The following SLC18A1 variants were observed in gnomAD, a reference collection of about 807,000 sequenced individuals.
SLC18A1 encodes the protein solute carrier family 18 member A1, also known as chromaffin granule amine transporter.
Under a neutral mutation model 53.7 loss-of-function variants are expected in SLC18A1, and 69 were observed. That is an observed-to-expected ratio of 1.28 (90% CI 1.06 to 1.57). SLC18A1 has a LOEUF of 1.57. SLC18A1 is among the 40% of genes most tolerant of loss of function. SLC18A1 has a pLI of 0.00. For missense variants in SLC18A1, 932 were observed against 668.1 expected, an observed-to-expected ratio of 1.40 and a Z score of -4.35; for synonymous variants, 320 against 248.1, an observed-to-expected ratio of 1.29 and a Z score of -2.72.
At chr8:20,153,678 G>C (rs2071615639) in intron 10 of SLC18A1, among the ~76,000 whole-genome samples, 1 of 148,116 alleles carries the variant, frequency 6.8e-6, no homozygotes, top group Admixed American at 6.6e-5. Flanking sequence ...AAAAAAAAAA[G>C]AAAGAAGTGA....
intron 8 of SLC18A1, among the ~76,000 whole-genome samples, chr8:20,166,336 A>T (rs111248435): frequency 0.28 from 29,461 of 106,610 alleles, 5,412 homozygotes; most frequent in Non-Finnish European, 0.39. Context: ...TATATACACC[A>T]CCAGGTGGAA....
chr8:20,150,783 A>C, intron 10 of SLC18A1, 39 bp from the exon 11 acceptor site: 1 of 1,561,642 alleles, frequency 6.4e-7, no homozygotes, highest in African/African-American at 1.4e-5. Context: ...GGACATGTCC[A>C]ATTTACTCTA....
At chr8:20,171,192 G>A (rs767987506) in intron 7 of SLC18A1, 46 bp from the exon 8 acceptor site, 2 of 1,604,076 alleles carry the variant, frequency 1.2e-6, no homozygotes, top group South Asian at 2.2e-5. Flanking sequence ...CTACTGATTA[G>A]CTGGGGGCTC....
At chr8:20,177,667 G>A (rs565245099) in intron 4 of SLC18A1, among the ~76,000 whole-genome samples, 7 of 152,166 alleles carry the variant, frequency 4.6e-5, no homozygotes, top group East Asian at 1.9e-4. Flanking sequence ...AAAGAAAAAC[G>A]CGAGGGAGAA....
chr8:20,179,923 G>A (rs117524819), intron 2 of SLC18A1, among the ~76,000 whole-genome samples: 1,572 of 152,282 alleles, frequency 0.01, 9 homozygotes, highest in Middle Eastern at 0.017. Flanking sequence ...GGAGGGGATG[G>A]GAGGAGGAAG....
chr8:20,166,690 G>C (rs918817757), intron 8 of SLC18A1, among the ~76,000 whole-genome samples: 8 of 151,922 alleles, frequency 5.3e-5, no homozygotes, highest in Admixed American at 4.6e-4. Flanking sequence ...AATTATATTA[G>C]TGTTATGGGC....
Position 20,150,649 on chromosome 8 carries a change from A to G in SLC18A1, c.1094+17T>C. 6.2e-7 allele frequency: 1 copy of G among 1,610,886 alleles called. No individual in the cohort carries two copies. The highest frequency in any genetic ancestry group is 8.5e-7 in the Non-Finnish European group (1 of 1,177,114). On this transcript the variant is annotated intron_variant, in intron 11 of 15. Coordinates refer to ENST00000276373, the MANE Select transcript of SLC18A1 (RefSeq NM_003053.4). ...CTTACATTTCTACTGTTCGTCCCAG[A>G]TCCCGAGGCTACATACCGACCCATC...
rs988093962 is a variant in SLC18A1 at position 20,147,710 on chromosome 8, G to C, written c.1223C>G (p.Ser408Cys). The change falls in exon 14 of 16, where the codon TCT (serine) becomes TGT (cysteine). Residue 408 changes from serine (S) to cysteine (C), a missense_variant. Physicochemically the swap from Ser to Cys is moderately radical, Grantham distance 112 (BLOSUM62 -1). Transcript: ENST00000276373. The stretch of plus-strand genomic sequence containing the variant: ...GTGCCCCATGATGGGCATCATAGAA[G>C]AATCCACCATGCCTGTGGCCAGAGC... ...GLGLAIGMVDSSMMPIMGHLV... is the reference protein window; with the variant it reads ...GLGLAIGMVDCSMMPIMGHLV... 6.2e-7 allele frequency: 1 copy of C among 1,613,350 alleles called. No homozygotes were observed. The highest frequency in any genetic ancestry group is 1.3e-5 in the African/African-American group (1 of 74,876).
intron 12 of SLC18A1, 77 bp from the exon 13 acceptor site, chr8:20,148,147 G>T: frequency 7.8e-7 from 1 of 1,286,620 alleles, no homozygotes; most frequent in Non-Finnish European, 1.1e-6. Flanking sequence ...GTTTTCACAT[G>T]AAATGCATTT....
chr8:20,150,773 G>A (rs372327858), intron 10 of SLC18A1, 29 bp from the exon 11 acceptor site: 2 of 1,592,542 alleles, frequency 1.3e-6, no homozygotes, highest in South Asian at 2.2e-5. Context: ...CCTTACCTTA[G>A]GACATGTCCA....
chr8:20,161,814 C>T lies in SLC18A1; in HGVS notation c.1015+3055G>A, dbSNP rs73608317. The stretch of plus-strand genomic sequence containing the variant: ...GCACACTGGAGTGGAGTTTGGACCC[C>T]TAAGGCATCAGGCAGCCCCATGTCT... On this transcript the variant is annotated intron_variant, in intron 10 of 15. Coordinates refer to ENST00000276373, the MANE Select transcript of SLC18A1 (RefSeq NM_003053.4). Among the ~76,000 whole-genome samples, 195 of 152,284 alleles carry T rather than the reference C, an allele frequency of 1.3e-3. 2 individuals carry two copies. Among genetic ancestry groups the T allele is most frequent in the African/African-American group, 4.5e-3 (186 of 41,550 alleles).
intron 8 of SLC18A1, among the ~76,000 whole-genome samples, chr8:20,166,508 A>T (rs976961597): frequency 5.3e-5 from 8 of 151,586 alleles, no homozygotes; most frequent in Non-Finnish European, 1.2e-4. Flanking sequence ...TGAGGAAAAA[A>T]CACTAAGACA....
At chr8:20,177,730 C>A (rs1478820971) in intron 4 of SLC18A1, among the ~76,000 whole-genome samples, 1 of 152,216 alleles carries the variant, frequency 6.6e-6, no homozygotes, top group African/African-American at 2.4e-5. Context: ...GGAACCAAGG[C>A]TGGATCCACA....
intron 3 of SLC18A1, 46 bp from the exon 4 acceptor site, chr8:20,178,539 T>G (rs752247455): frequency 3.6e-6 from 5 of 1,392,480 alleles, no homozygotes; most frequent in Admixed American, 1.9e-5. Flanking sequence ...CAACAGGCAC[T>G]CACATACATG....
At chr8:20,177,104 CTTA>C (rs1350824335) in intron 4 of SLC18A1, among the ~76,000 whole-genome samples, 1 of 152,172 alleles carries the variant, frequency 6.6e-6, no homozygotes, top group African/African-American at 2.4e-5. Flanking sequence ...CACCTGGCAT[CTTA>C]TTATTTTTAA....
Position 20,145,393 on chromosome 8 carries a change from G to C in SLC18A1, c.*370C>G, listed in dbSNP as rs1333106807. ...CTATGCCAGAGAAAATCAGGCAACA[G>C]ATTAAAGAGGCTTGTCAGTCACCCC... On this transcript the variant is annotated 3_prime_UTR_variant, in exon 16 of 16. Coordinates refer to ENST00000276373, the MANE Select transcript of SLC18A1 (RefSeq NM_003053.4). The C allele has an allele frequency of 6.2e-6, 1 of 162,166 alleles. No homozygotes were observed. Among genetic ancestry groups the C allele is most frequent in the African/African-American group, 2.4e-5 (1 of 41,858 alleles). 10.0% of individuals were successfully genotyped at this position (162,166 alleles called of 1,614,324 possible). A position where few individuals can be genotyped will look rare whatever the true frequency, so the allele number is the denominator to read the frequency against.
chr8:20,168,645 T>C (rs904380398), intron 8 of SLC18A1, among the ~76,000 whole-genome samples: 2 of 152,174 alleles, frequency 1.3e-5, no homozygotes, highest in African/African-American at 4.8e-5. Context: ...AGTGGCTTAC[T>C]GCAACCTCCG....
intron 6 of SLC18A1, 107 bp downstream of exon 6, chr8:20,172,929 G>T (rs1399015436): frequency 1.3e-6 from 1 of 768,156 alleles, no homozygotes; most frequent in Admixed American, 2.1e-5. Context: ...GTTGAAATAG[G>T]ATGAGGCCAA....
chr8:20,173,102 T>C lies in SLC18A1; in HGVS notation c.658A>G (p.Thr220Ala), dbSNP rs747192757. Residue 220 changes from threonine (T) to alanine (A), a missense_variant, in exon 6 of 16, where the codon ACT becomes GCT. Physicochemically the swap from Thr to Ala is moderately conservative, Grantham distance 58 (BLOSUM62 0). Coordinates refer to ENST00000276373, the MANE Select transcript of SLC18A1 (RefSeq NM_003053.4). ...GCTCGTCCTCTCTCATGGTCATCAGTGTAGACACTGGCCAGCATTCCAAGA... is the reference window on the plus strand; with the variant it reads ...GCTCGTCCTCTCTCATGGTCATCAGCGTAGACACTGGCCAGCATTCCAAGA... ...AGLGMLASVYTDDHERGRAMG... is the reference protein window; with the variant it reads ...AGLGMLASVYADDHERGRAMG... 1.3e-6 allele frequency: 2 copies of C among 1,578,112 alleles called. No individual in the cohort carries two copies. The highest frequency in any genetic ancestry group is 1.2e-5 in the South Asian group (1 of 86,068).
Sources: allele counts gnomAD v4.1 joint callset (sites outside exome capture counted in the v4.1 genomes callset), GRCh38; gene constraint gnomAD v4.1.1; transcripts MANE v1.5; gene names NCBI Gene and HGNC (gene_info 2026-07-23, HGNC 2026-07-21).